Variants in DAB1 observed in about 807,000 individuals in gnomAD.
DAB1 encodes the protein DAB adaptor protein 1.
In DAB1, 15 loss-of-function variants were observed where a neutral mutation model predicts 64.6. That is an observed-to-expected ratio of 0.23 (90% CI 0.16 to 0.36). The LOEUF is 0.36. Ranked by LOEUF, DAB1 falls within the 10% of genes least tolerant of loss-of-function variation. The pLI, the probability that DAB1 is intolerant of heterozygous loss-of-function variation, is 1.00. For synonymous variants in DAB1, 235 were observed against 251.9 expected (o/e 0.93, Z 0.64); for missense variants, 596 against 706.7 (o/e 0.84, Z 1.78).
chr1:57,025,510 G>C (rs61767018), intron 10 of DAB1, among the ~76,000 whole-genome samples: 1 of 152,166 alleles, frequency 6.6e-6, no homozygotes, highest in Non-Finnish European at 1.5e-5. Flanking sequence ...AGGATGGGCA[G>C]AGCAGGGTGT....
intron 1 of DAB1, among the ~76,000 whole-genome samples, chr1:57,849,219 C>T (rs1653416852): frequency 1.3e-5 from 2 of 152,128 alleles, no homozygotes; most frequent in Non-Finnish European, 2.9e-5. Flanking sequence ...ACCAGAAGGG[C>T]CAGAGTAGCA....
chr1:57,122,664 C>G (rs912868041), intron 4 of DAB1, among the ~76,000 whole-genome samples: 5 of 152,124 alleles, frequency 3.3e-5, no homozygotes, highest in Non-Finnish European at 7.4e-5. Flanking sequence ...AGAAAAATCT[C>G]ATTATTTCAG....
intron 7 of DAB1, among the ~76,000 whole-genome samples, chr1:57,482,841 G>A (rs1173297344): frequency 6.6e-6 from 1 of 152,152 alleles, no homozygotes; most frequent in Non-Finnish European, 1.5e-5. Context: ...GAGATCTAGA[G>A]AGGTTAATAA....
At chr1:57,668,411 A>C (rs1449076817) in intron 6 of DAB1, among the ~76,000 whole-genome samples, 1 of 152,150 alleles carries the variant, frequency 6.6e-6, no homozygotes. Flanking sequence ...TCATTGTGTC[A>C]TTGTTACTAT....
intron 2 of DAB1, among the ~76,000 whole-genome samples, chr1:57,215,520 T>C (rs899637741): frequency 1.3e-5 from 2 of 152,190 alleles, no homozygotes; most frequent in Admixed American, 6.5e-5. Flanking sequence ...GTCTTTGAGT[T>C]TGAAAAAAAC....
intron 5 of DAB1, among the ~76,000 whole-genome samples, chr1:57,924,775 A>G (rs1857374): frequency 0.41 from 61,938 of 151,364 alleles, 13,679 homozygotes; most frequent in Admixed American, 0.51. Flanking sequence ...TCCAAGTTAC[A>G]TTTTCTATGT....
chr1:57,515,636 G>GTGTC (rs1035551779), intron 7 of DAB1, among the ~76,000 whole-genome samples: 2 of 152,230 alleles, frequency 1.3e-5, no homozygotes, highest in African/African-American at 4.8e-5. Context: ...CTGCTGGGAG[G>GTGTC]TGTCTGCCCC....
intron 7 of DAB1, among the ~76,000 whole-genome samples, chr1:57,515,898 T>C (rs947243): frequency 0.07 from 10,716 of 152,242 alleles, 1,178 homozygotes; most frequent in African/African-American, 0.23. Context: ...AAGTACAATT[T>C]TCTCTCTTTT....
chr1:58,517,274 A>C (rs1474401473), intron 2 of DAB1, among the ~76,000 whole-genome samples: 3 of 152,180 alleles, frequency 2.0e-5, no homozygotes, highest in Non-Finnish European at 4.4e-5. Context: ...ATTGCTAATA[A>C]AGAAGTTTCT....
chr1:57,310,836 A>C (rs1052429457), intron 1 of DAB1, among the ~76,000 whole-genome samples: 5 of 152,110 alleles, frequency 3.3e-5, no homozygotes, highest in African/African-American at 7.2e-5. Flanking sequence ...CTTACTCAAG[A>C]AAATACAGAT....
intron 7 of DAB1, among the ~76,000 whole-genome samples, chr1:57,597,912 G>A (rs544443299): frequency 1.3e-5 from 2 of 152,074 alleles, no homozygotes; most frequent in African/African-American, 2.4e-5. Context: ...TTTTAAAAAT[G>A]TATTTTCTGA....
intron 1 of DAB1, among the ~76,000 whole-genome samples, chr1:57,413,982 T>A (rs1323491107): frequency 6.6e-6 from 1 of 152,166 alleles, no homozygotes; most frequent in Non-Finnish European, 1.5e-5. Flanking sequence ...TGTAGTCTCA[T>A]GCTACAACTT....
Position 57,145,570 on chromosome 1 carries a change from C to T in DAB1, c.68-141G>A, listed in dbSNP as rs1394327994. 1.3e-5 allele frequency: 10 copies of T among 770,660 alleles called. No homozygotes were observed. The East Asian group carries it at 2.6e-4, about 20-fold the overall frequency. 47.7% of individuals were successfully genotyped at this position (770,660 alleles called of 1,614,324 possible). A position where few individuals can be genotyped will look rare whatever the true frequency, so the allele number is the denominator to read the frequency against. On this transcript the variant is annotated intron_variant, in intron 2 of 14. Coordinates refer to ENST00000371236, the MANE Select transcript of DAB1 (RefSeq NM_001365792.1). ...CACTGGACTCAGGAGAAAAGAATAGCAGTATTCCTAAATGTAAATTCTGAC... is the reference window on the plus strand; with the variant it reads ...CACTGGACTCAGGAGAAAAGAATAGTAGTATTCCTAAATGTAAATTCTGAC...
intron 6 of DAB1, among the ~76,000 whole-genome samples, chr1:57,685,513 C>G (rs1478680458): frequency 6.6e-6 from 1 of 152,104 alleles, no homozygotes; most frequent in Admixed American, 6.6e-5. Flanking sequence ...AGGTAGGAAA[C>G]TAGCGAAGAA....
At chr1:57,941,539 T>C (rs1645104202) in intron 5 of DAB1, among the ~76,000 whole-genome samples, 1 of 152,202 alleles carries the variant, frequency 6.6e-6, no homozygotes, top group South Asian at 2.1e-4. Context: ...TTTTATCTGG[T>C]TTAAGAAATC....
chr1:58,076,708 T>C (rs926225981), intron 5 of DAB1, among the ~76,000 whole-genome samples: 7 of 152,254 alleles, frequency 4.6e-5, no homozygotes, highest in African/African-American at 1.4e-4. Flanking sequence ...TTTGTACTCA[T>C]GTCAAGAATC....
At chr1:57,890,405 A>AT (rs371433190) in intron 5 of DAB1, among the ~76,000 whole-genome samples, 3 of 142,266 alleles carry the variant, frequency 2.1e-5, no homozygotes, top group Admixed American at 1.4e-4. Flanking sequence ...ATGCTGTCCC[A>AT]TTTTTTTTCT....
At chr1:57,819,820 C>A (rs940363681) in intron 6 of DAB1, among the ~76,000 whole-genome samples, 1 of 152,138 alleles carries the variant, frequency 6.6e-6, no homozygotes, top group African/African-American at 2.4e-5. Context: ...AGGGGAATAG[C>A]ACAGAATAAT....
In DAB1 at chr1:57,451,399, T is replaced by C. The variant is rs548568702; in HGVS notation, n.626-160233A>G. On this transcript the variant is annotated intron_variant and non_coding_transcript_variant, in intron 7 of 20. Coordinates refer to the DAB1 transcript ENST00000485760. The stretch of plus-strand genomic sequence containing the variant: ...GTTTATAGAGTGTCCGATTTCTGCA[T>C]AGTGAGAATCTTTTTTAGTGGGAGA... 1.1e-4 allele frequency among the ~76,000 whole-genome samples: 17 copies of C among 152,344 alleles called. No individual in the cohort carries two copies. The South Asian group carries it at 3.1e-3, about 28-fold the overall frequency.
Sources: gnomAD v4.1 joint callset for allele counts (sites outside exome capture counted in the v4.1 genomes callset) on GRCh38, gnomAD v4.1.1 for gene constraint, MANE v1.5 for transcripts, NCBI Gene and HGNC (gene_info 2026-07-23, HGNC 2026-07-21) for gene names.